The following GPR89A variants were observed in gnomAD, a reference collection of about 807,000 sequenced individuals.
GPR89A encodes the protein golgi pH regulator A.
GPR89A carries 16 observed loss-of-function variants against 52.0 expected under a neutral mutation model. That is an observed-to-expected ratio of 0.31 (90% CI 0.21 to 0.47). GPR89A has a LOEUF of 0.47. Among genes scored for constraint, GPR89A ranks in the 20% least tolerant of loss-of-function variants. The probability of loss-of-function intolerance (pLI) is 1.00; values close to 1 mark genes in which losing one functional copy is unlikely to be tolerated. For missense variants in GPR89A, 135 were observed against 449.4 expected (o/e 0.30, Z 6.33); for synonymous variants, 55 against 150.9 (o/e 0.36, Z 4.66).
intron 5 of GPR89A, among the ~76,000 whole-genome samples, chr1:145,628,446 A>G (rs1459238965): frequency 2.0e-5 from 3 of 152,090 alleles, no homozygotes; most frequent in East Asian, 3.8e-4. Flanking sequence ...TTTTGCAACC[A>G]GGGGAAAACT....
chr1:145,650,156 G>T (rs1651348672), intron 10 of GPR89A, among the ~76,000 whole-genome samples: 2 of 151,674 alleles, frequency 1.3e-5, no homozygotes, highest in South Asian at 4.2e-4. Context: ...CCTTCGACAG[G>T]TCCCAGTTTG....
intron 10 of GPR89A, among the ~76,000 whole-genome samples, chr1:145,660,884 G>A (rs1652147062): frequency 6.6e-6 from 1 of 151,532 alleles, no homozygotes; most frequent in Non-Finnish European, 1.5e-5. Flanking sequence ...CAACCCTTGT[G>A]GAAGTCAGTG....
intron 1 of GPR89A, among the ~76,000 whole-genome samples, chr1:145,611,788 G>A (rs1369766675): frequency 6.6e-6 from 1 of 151,032 alleles, no homozygotes; most frequent in Non-Finnish European, 1.5e-5. Flanking sequence ...TATAAATATG[G>A]TCTCTAAACT....
At chr1:145,650,139 C>A (rs1190871288) in intron 10 of GPR89A, among the ~76,000 whole-genome samples, 2 of 152,056 alleles carry the variant, frequency 1.3e-5, no homozygotes, top group Non-Finnish European at 2.9e-5. Flanking sequence ...CTCCCTCCCC[C>A]TCCCCGCCTT....
chr1:145,608,185 C>G lies in GPR89A; in HGVS notation c.42+10C>G, dbSNP rs782331613. 6.2e-7 allele frequency: 1 copy of G among 1,613,818 alleles called. No individual in the cohort carries two copies. The highest frequency in any genetic ancestry group is 8.5e-7 in the Non-Finnish European group (1 of 1,179,836). The stretch of plus-strand genomic sequence containing the variant: ...CATGATTACCTCCCAGGTGAGTCAC[C>G]GCCTCCCGCCCCGACACCCGTCCGC... On this transcript the variant is annotated intron_variant, in intron 1 of 13. Transcript: ENST00000313835.
At chr1:145,634,881 A>T (rs1374619480) in intron 7 of GPR89A, among the ~76,000 whole-genome samples, 2 of 152,182 alleles carry the variant, frequency 1.3e-5, no homozygotes, top group Non-Finnish European at 2.9e-5. Flanking sequence ...AACCTAGTTT[A>T]CGCCAGGCAC....
intron 1 of GPR89A, among the ~76,000 whole-genome samples, chr1:145,610,172 G>T (rs1198405461): frequency 1.3e-5 from 2 of 151,876 alleles, no homozygotes; most frequent in African/African-American, 2.4e-5. Context: ...TCTCTAGAGA[G>T]GTGTGGTTAC....
intron 1 of GPR89A, among the ~76,000 whole-genome samples, chr1:145,609,151 G>A (rs148586018): frequency 6.6e-6 from 1 of 152,324 alleles, no homozygotes; most frequent in East Asian, 1.9e-4. Context: ...TTGTGTGTGT[G>A]TGGTTGTTTT....
intron 1 of GPR89A, among the ~76,000 whole-genome samples, chr1:145,613,415 T>G (rs1344973286): frequency 6.6e-6 from 1 of 152,158 alleles, no homozygotes; most frequent in Non-Finnish European, 1.5e-5. Flanking sequence ...TTCTATAATG[T>G]TTCTCTTTCT....
intron 12 of GPR89A, among the ~76,000 whole-genome samples, chr1:145,666,628 T>A (rs1652567648): frequency 1.3e-5 from 2 of 151,768 alleles, no homozygotes; most frequent in African/African-American, 4.8e-5. Context: ...TTTGGATACA[T>A]GTGCCATGTT....
At chr1:145,616,153 A>G (rs1311093766) in intron 1 of GPR89A, 81 bp from the exon 2 acceptor site, 8 of 842,454 alleles carry the variant, frequency 9.5e-6, no homozygotes, top group Admixed American at 2.2e-5. Context: ...TAGTTAGCAG[A>G]CCTTTTATCA....
intron 5 of GPR89A, among the ~76,000 whole-genome samples, chr1:145,629,058 G>T (rs587606874): frequency 2.3e-4 from 35 of 152,068 alleles, no homozygotes; most frequent in East Asian, 1.5e-3. Flanking sequence ...TATGGTGACT[G>T]CTAGTTCCAA....
At position 145,637,598 on chromosome 1, in the gene GPR89A, G is replaced by A. The variant is rs1571502189; in HGVS notation, c.617+5854G>A. Among the ~76,000 whole-genome samples, 3 of 149,838 alleles carry A rather than the reference G, an allele frequency of 2.0e-5. No homozygotes were observed. In the South Asian group the frequency reaches 6.4e-4, roughly 32 times the overall value. On this transcript the variant is annotated intron_variant, in intron 7 of 13. Coordinates refer to ENST00000313835, the MANE Select transcript of GPR89A (RefSeq NM_001097612.2). ...TGCTAGACATGTAAAGAAACAAGAC[G>A]ATGTGACCAATGTTCAAGATAAAAA...
intron 11 of GPR89A, among the ~76,000 whole-genome samples, chr1:145,664,371 C>A (rs1236032514): frequency 6.6e-6 from 1 of 152,182 alleles, no homozygotes; most frequent in East Asian, 1.9e-4. Flanking sequence ...GCTTTACAGG[C>A]CACGCACTAC....
At chr1:145,656,615 C>T (rs1200953506) in intron 10 of GPR89A, among the ~76,000 whole-genome samples, 6 of 152,188 alleles carry the variant, frequency 3.9e-5, no homozygotes, top group Non-Finnish European at 8.8e-5. Context: ...GGCCCCTCCC[C>T]CGACCTTGCC....
chr1:145,626,939 C>A (rs1462544174), intron 5 of GPR89A, among the ~76,000 whole-genome samples: 1 of 7,316 alleles, frequency 1.4e-4, no homozygotes. Flanking sequence ...GGCGACAGAG[C>A]GAGACTCTAC....
intron 1 of GPR89A, among the ~76,000 whole-genome samples, chr1:145,610,677 T>G (rs1553685964): frequency 6.6e-6 from 1 of 152,222 alleles, no homozygotes; most frequent in African/African-American, 2.4e-5. Flanking sequence ...CCATAGATTA[T>G]AAACTCCTTG....
rs1402045238 is a variant in GPR89A, at chr1:145,648,871, C to T, written c.909+1604C>T. ...AGGCTGGAGTGCAGTGGCATGATCTCGGCTCACTGCAACCCCTCCGCCTTC... is the reference window on the plus strand; with the variant it reads ...AGGCTGGAGTGCAGTGGCATGATCTTGGCTCACTGCAACCCCTCCGCCTTC... On this transcript the variant is annotated intron_variant, in intron 10 of 13. Transcript: ENST00000313835. 2.1e-5 allele frequency among the ~76,000 whole-genome samples: 3 copies of T among 141,540 alleles called. No individual in the cohort carries two copies. The Admixed American group carries it at 2.2e-4, about 10-fold the overall frequency. The allele number at this position is 141,540 out of a possible 152,430, so 92.9% of individuals were successfully genotyped here.
At chr1:145,665,269 GC>G (rs1652477237) in intron 11 of GPR89A, among the ~76,000 whole-genome samples, 1 of 151,726 alleles carries the variant, frequency 6.6e-6, no homozygotes, top group Non-Finnish European at 1.5e-5. Flanking sequence ...TATTGCTTGA[GC>G]CCAGGAGTTT....
Sources: gnomAD v4.1 joint callset for allele counts (sites outside exome capture counted in the v4.1 genomes callset) on GRCh38, gnomAD v4.1.1 for gene constraint, MANE v1.5 for transcripts, NCBI Gene and HGNC (gene_info 2026-07-23, HGNC 2026-07-21) for gene names.